The following ELAPOR2 variants were observed in gnomAD, a reference collection of about 807,000 sequenced individuals.
ELAPOR2 encodes endosome-lysosome associated apoptosis and autophagy regulator family member 2.
A neutral mutation model predicts 120.7 loss-of-function variants in ELAPOR2; 89 were observed. The ratio of observed to expected loss-of-function variants is 0.74; its 90% CI spans 0.62 to 0.88. ELAPOR2 has a LOEUF of 0.88. Ranked by LOEUF, ELAPOR2 falls within the 40% of genes least tolerant of loss-of-function variation. The pLI, the probability that ELAPOR2 is intolerant of heterozygous loss-of-function variation, is 0.00. For synonymous variants in ELAPOR2, 444 were observed against 444.9 expected, an observed-to-expected ratio of 1.00 and a Z score of 0.03; for missense variants, 1,134 against 1,251.6, an observed-to-expected ratio of 0.91 and a Z score of 1.42.
At chr7:87,039,712 T>G (rs1794700049) in intron 1 of ELAPOR2, among the ~76,000 whole-genome samples, 1 of 152,040 alleles carries the variant, frequency 6.6e-6, no homozygotes, top group African/African-American at 2.4e-5. Flanking sequence ...AACATCCCTT[T>G]ATGATAAAAA....
chr7:86,945,410 G>A (rs1019593034), intron 3 of ELAPOR2, among the ~76,000 whole-genome samples: 1 of 152,142 alleles, frequency 6.6e-6, no homozygotes, highest in African/African-American at 2.4e-5. Flanking sequence ...TGGAAGGGGA[G>A]AAAGAGCACC....
At chr7:87,018,897 C>T (rs755447423) in intron 1 of ELAPOR2, among the ~76,000 whole-genome samples, 15 of 152,216 alleles carry the variant, frequency 9.9e-5, no homozygotes, top group Non-Finnish European at 1.6e-4. Flanking sequence ...CTAAGACAAG[C>T]AGTATTCCAT....
intron 1 of ELAPOR2, among the ~76,000 whole-genome samples, chr7:87,007,454 T>G (rs1349972397): frequency 6.6e-6 from 1 of 152,168 alleles, no homozygotes; most frequent in Non-Finnish European, 1.5e-5. Flanking sequence ...GTTTTTAATA[T>G]GAACAGATAT....
At chr7:87,022,086 TTTTG>T (rs1444129179) in intron 1 of ELAPOR2, among the ~76,000 whole-genome samples, 1 of 152,136 alleles carries the variant, frequency 6.6e-6, no homozygotes, top group Non-Finnish European at 1.5e-5. Context: ...TATTTATTTA[TTTTG>T]TATTATACTT....
intron 8 of ELAPOR2, among the ~76,000 whole-genome samples, chr7:86,935,545 G>C (rs1268583427): frequency 6.6e-6 from 1 of 151,908 alleles, no homozygotes; most frequent in Non-Finnish European, 1.5e-5. Flanking sequence ...GTCTAGACCA[G>C]TGGTTCTCTA....
intron 1 of ELAPOR2, among the ~76,000 whole-genome samples, chr7:86,967,552 C>G (rs1435200980): frequency 6.6e-6 from 1 of 152,110 alleles, no homozygotes; most frequent in Non-Finnish European, 1.5e-5. Flanking sequence ...TCTTATCATC[C>G]TAGCAAAATA....
intron 1 of ELAPOR2, among the ~76,000 whole-genome samples, chr7:87,020,341 C>T (rs1441054817): frequency 6.6e-6 from 1 of 152,212 alleles, no homozygotes; most frequent in Admixed American, 6.5e-5. Context: ...CATAGCAGCA[C>T]TCTTCACAAC....
chr7:87,004,144 G>A (rs1025259436), intron 1 of ELAPOR2, among the ~76,000 whole-genome samples: 2 of 152,196 alleles, frequency 1.3e-5, no homozygotes, highest in South Asian at 2.1e-4. Flanking sequence ...AGGCAGGCCT[G>A]CAGGAGCCGA....
intron 1 of ELAPOR2, among the ~76,000 whole-genome samples, chr7:86,995,968 T>C (rs575438458): frequency 6.6e-6 from 1 of 152,272 alleles, no homozygotes; most frequent in South Asian, 2.1e-4. Context: ...AGTAACGTGG[T>C]CACAATGATA....
chr7:86,955,388 AT>A (rs532867029), intron 2 of ELAPOR2, among the ~76,000 whole-genome samples: 15 of 150,108 alleles, frequency 1.0e-4, no homozygotes, highest in South Asian at 2.1e-4. Flanking sequence ...CTAATTGGGA[AT>A]TTTTTTTTTA....
chr7:86,895,011 T>C (rs771481995), intron 19 of ELAPOR2, among the ~76,000 whole-genome samples: 3 of 152,054 alleles, frequency 2.0e-5, no homozygotes, highest in Non-Finnish European at 4.4e-5. Context: ...TACGCGCCTG[T>C]ATTAGATATA....
At chr7:87,004,333 T>C (rs1793407097) in intron 1 of ELAPOR2, among the ~76,000 whole-genome samples, 1 of 152,162 alleles carries the variant, frequency 6.6e-6, no homozygotes, top group African/African-American at 2.4e-5. Flanking sequence ...GAGAACAGGG[T>C]TGGCCTCTGT....
At chr7:86,982,075 A>G (rs1015941427) in intron 1 of ELAPOR2, among the ~76,000 whole-genome samples, 1 of 152,224 alleles carries the variant, frequency 6.6e-6, no homozygotes, top group African/African-American at 2.4e-5. Flanking sequence ...GCAGTCTGAG[A>G]TCAAACTGCG....
At chr7:86,952,884 C>T (rs1791320835) in intron 2 of ELAPOR2, among the ~76,000 whole-genome samples, 1 of 151,988 alleles carries the variant, frequency 6.6e-6, no homozygotes, top group South Asian at 2.1e-4. Flanking sequence ...TGCTTGAGGT[C>T]AGGAGTTTGA....
chr7:86,883,827 T>A (rs1799552564), intron 21 of ELAPOR2, among the ~76,000 whole-genome samples: 1 of 152,202 alleles, frequency 6.6e-6, no homozygotes, highest in South Asian at 2.1e-4. Context: ...GGGTTATAGA[T>A]GTATATTCAT....
chr7:86,948,875 A>G (rs1237983346), intron 2 of ELAPOR2, among the ~76,000 whole-genome samples: 2 of 152,198 alleles, frequency 1.3e-5, no homozygotes, highest in Admixed American at 1.3e-4. Context: ...TTAAAGAAAC[A>G]AGAACAAAAT....
intron 10 of ELAPOR2, 64 bp downstream of exon 10, chr7:86,925,464 A>G: frequency 6.4e-7 from 1 of 1,560,068 alleles, no homozygotes; most frequent in African/African-American, 1.4e-5. Flanking sequence ...TTAGAGAGCT[A>G]AGTTCAAGAA....
chr7:86,893,001 T>G lies in ELAPOR2; in HGVS notation c.2785A>C (p.Lys929Gln). The stretch of plus-strand genomic sequence containing the variant: ...AAAGCTCCCACACCGGCTCCCACCT[T>G]CAGCCAAAAGTCAACCGTTTCACAG... ...ATCETVDFWL[K>Q]VGAGVGAFTA... is the part of the protein sequence containing the mutation. Residue 929 changes from lysine (K) to glutamine (Q), a missense_variant, in exon 20 of 22, where the codon AAG (lysine) becomes CAG (glutamine). Lys to Gln is a moderately conservative substitution (Grantham distance 53). Coordinates refer to ENST00000450689, the MANE Select transcript of ELAPOR2 (RefSeq NM_001142749.3). The G allele has an allele frequency of 6.3e-7, 1 of 1,581,754 alleles. No individual in the cohort carries two copies. Among genetic ancestry groups the G allele is most frequent in the Non-Finnish European group, 8.6e-7 (1 of 1,169,404 alleles).
At chr7:87,035,286 C>T (rs916133091) in intron 1 of ELAPOR2, among the ~76,000 whole-genome samples, 1 of 152,112 alleles carries the variant, frequency 6.6e-6, no homozygotes, top group Non-Finnish European at 1.5e-5. Flanking sequence ...GGTTTGCAAT[C>T]CATCCAAAGA....
Sources: allele counts gnomAD v4.1 joint callset (sites outside exome capture counted in the v4.1 genomes callset), GRCh38; gene constraint gnomAD v4.1.1; transcripts MANE v1.5; gene names NCBI Gene and HGNC (gene_info 2026-07-23, HGNC 2026-07-21).